Variants in STX12 observed in about 807,000 individuals in gnomAD.
STX12 encodes the protein syntaxin-12.
Under a neutral mutation model 42.2 loss-of-function variants are expected in STX12, and 17 were observed. That is an observed-to-expected ratio of 0.40 (90% CI 0.28 to 0.60). The LOEUF (loss-of-function observed/expected upper bound fraction) is 0.60. Ranked by LOEUF, STX12 falls within the 20% of genes least tolerant of loss-of-function variation. The probability of loss-of-function intolerance (pLI) is 0.39; values close to 1 mark genes in which losing one functional copy is unlikely to be tolerated. For missense variants in STX12, 297 were observed against 330.9 expected (o/e 0.90, Z 0.79); for synonymous variants, 108 against 116.7 (o/e 0.93, Z 0.48).
In STX12 at chr1:27,812,492, A is replaced by G. The variant is rs561787698; in HGVS notation, c.576+224A>G. On this transcript the variant is annotated intron_variant, in intron 6 of 8. Transcript: ENST00000373943. ...ATTTCGCTCTTGTTGCCCAGGCTGG[A>G]GTGCAGTGGTGTGATCTTGGCTCAC... Among the ~76,000 whole-genome samples, 7 of 150,402 alleles carry G rather than the reference A, an allele frequency of 4.7e-5. No homozygotes were observed. The South Asian group carries it at 1.5e-3, about 32-fold the overall frequency.
intron 6 of STX12, among the ~76,000 whole-genome samples, chr1:27,814,659 A>G (rs2088928144): frequency 6.6e-6 from 1 of 152,014 alleles, no homozygotes; most frequent in African/African-American, 2.4e-5. Flanking sequence ...GACCAGCCTG[A>G]CCAACATGGT....
intron 7 of STX12, 60 bp from the exon 8 acceptor site, chr1:27,819,590 C>A: frequency 6.9e-7 from 1 of 1,447,916 alleles, no homozygotes; most frequent in South Asian, 1.2e-5. Flanking sequence ...GAAATCTGTT[C>A]AATTTGCAGT....
chr1:27,781,591 G>A (rs1184145625), intron 1 of STX12, among the ~76,000 whole-genome samples: 3 of 152,184 alleles, frequency 2.0e-5, no homozygotes, highest in South Asian at 2.1e-4. Context: ...TACATAGTAA[G>A]TGCTTAAGAA....
intron 8 of STX12, among the ~76,000 whole-genome samples, chr1:27,821,916 G>T (rs932696278): frequency 1.3e-5 from 2 of 152,132 alleles, no homozygotes; most frequent in Non-Finnish European, 2.9e-5. Flanking sequence ...TGCTCAGGAG[G>T]CTGAGACATT....
intron 1 of STX12, among the ~76,000 whole-genome samples, chr1:27,789,338 C>T (rs770564313): frequency 1.9e-4 from 29 of 151,966 alleles, no homozygotes; most frequent in Non-Finnish European, 2.9e-4. Flanking sequence ...ATAAAACTAC[C>T]ACCTTCTACT....
Position 27,820,737 on chromosome 1 carries a change from C to T in STX12, c.732+1005C>T, listed in dbSNP as rs535416003. ...GACACATGCACACGTATGTTTATTG[C>T]GGCATTATTCACAATAGCAAAGACT... On this transcript the variant is annotated intron_variant, in intron 8 of 8. Transcript: ENST00000373943. 9.2e-3 allele frequency among the ~76,000 whole-genome samples: 1,401 copies of T among 151,836 alleles called. 21 individuals carry two copies. The highest frequency in any genetic ancestry group is 0.03 in the African/African-American group (1,240 of 41,380).
chr1:27,786,931 A>G (rs2088702841), intron 1 of STX12, among the ~76,000 whole-genome samples: 1 of 152,214 alleles, frequency 6.6e-6, no homozygotes, highest in African/African-American at 2.4e-5. Context: ...TTAGTGATGA[A>G]GAAAAGTGGT....
chr1:27,796,529 C>T (rs1464082078), intron 3 of STX12, among the ~76,000 whole-genome samples: 1 of 152,042 alleles, frequency 6.6e-6, no homozygotes, highest in Non-Finnish European at 1.5e-5. Context: ...GTAGCTAGGA[C>T]CACAGGCATG....
At chr1:27,800,237 C>A (rs1445781706) in intron 3 of STX12, among the ~76,000 whole-genome samples, 2 of 152,194 alleles carry the variant, frequency 1.3e-5, no homozygotes, top group Non-Finnish European at 2.9e-5. Context: ...CTTACCCCTT[C>A]TTTCTGCTTA....
intron 8 of STX12, among the ~76,000 whole-genome samples, 181 bp from the exon 9 acceptor site, chr1:27,822,050 C>T (rs11247691): frequency 0.092 from 13,925 of 151,638 alleles, 2,136 homozygotes; most frequent in African/African-American, 0.32. Context: ...AAACAAAAAA[C>T]ACTTGCACTA....
chr1:27,801,217 G>A (rs1158012913), intron 3 of STX12, among the ~76,000 whole-genome samples: 1 of 152,048 alleles, frequency 6.6e-6, no homozygotes, highest in Non-Finnish European at 1.5e-5. Context: ...CGGCCAACAT[G>A]GCGAAACCCC....
chr1:27,774,559 A>G (rs1004792533), intron 1 of STX12, among the ~76,000 whole-genome samples: 16 of 152,154 alleles, frequency 1.1e-4, no homozygotes, highest in Admixed American at 7.2e-4. Context: ...AAGTCTTGCT[A>G]TGTTGGCCAG....
At chr1:27,815,645 A>G (rs2088936178) in intron 6 of STX12, among the ~76,000 whole-genome samples, 1 of 152,126 alleles carries the variant, frequency 6.6e-6, no homozygotes, top group African/African-American at 2.4e-5. Context: ...GACTACCCCA[A>G]CTATGGTAGA....
rs1193510572 is a variant in STX12, at chr1:27,792,314, GTA to G, written c.189-1218_189-1217del. On this transcript the variant is annotated intron_variant, in intron 2 of 8. Coordinates refer to ENST00000373943, the MANE Select transcript of STX12 (RefSeq NM_177424.3). Reference sequence around the variant, plus strand: ...TACATATATATGTATCTATATATATGTAGATACATATATATGTATCTATATAT... The same window carrying G: ...TACATATATATGTATCTATATATATGGATACATATATATGTATCTATATAT... Among the ~76,000 whole-genome samples the G allele has an allele frequency of 4.6e-4, 45 of 97,010 alleles. 2 individuals are homozygous for G. The highest frequency in any genetic ancestry group is 7.5e-4 in the Non-Finnish European group (37 of 49,588). The allele number at this position is 97,010 out of a possible 152,430, so 63.6% of individuals were successfully genotyped here. A position where few individuals can be genotyped will look rare whatever the true frequency, so the allele number is the denominator to read the frequency against.
chr1:27,814,090 G>A (rs1250581698), intron 6 of STX12, among the ~76,000 whole-genome samples: 7 of 151,906 alleles, frequency 4.6e-5, no homozygotes, highest in Non-Finnish European at 1.0e-4. Context: ...TAGTAGAGAC[G>A]AGGTTTTGCC....
intron 3 of STX12, among the ~76,000 whole-genome samples, chr1:27,798,311 G>T (rs2088800573): frequency 6.6e-6 from 1 of 151,888 alleles, no homozygotes; most frequent in African/African-American, 2.4e-5. Context: ...CGGGTGGATT[G>T]CTTGAGTACA....
chr1:27,793,497 G>A (rs1409933411), intron 2 of STX12, 36 bp from the exon 3 acceptor site: 2 of 1,578,538 alleles, frequency 1.3e-6, no homozygotes, highest in Non-Finnish European at 1.7e-6. Flanking sequence ...CTCTCAAGAA[G>A]TGACAACATC....
rs2148609908 is a variant in STX12 at position 27,823,359 on chromosome 1, A to T, written c.*1030A>T. 1.3e-5 allele frequency: 2 copies of T among 152,784 alleles called. No homozygotes were observed. The highest frequency in any genetic ancestry group is 4.1e-4 in the South Asian group (2 of 4,830). The allele number at this position is 152,784 out of a possible 1,614,324, so 9.5% of individuals were successfully genotyped here. ...AAGAAGAGGTTCATTTTTGTAAATA[A>T]CACTGGTTTCAAATAGTGATGTTAG... is the stretch of plus-strand genomic sequence containing the variant. On this transcript the variant is annotated 3_prime_UTR_variant, in exon 9 of 9. Transcript: ENST00000373943.
Position 27,813,545 on chromosome 1 carries a change from A to T in STX12, c.576+1277A>T, listed in dbSNP as rs532850635. On this transcript the variant is annotated intron_variant, in intron 6 of 8. Coordinates refer to ENST00000373943, the MANE Select transcript of STX12 (RefSeq NM_177424.3). ...AAGGTAGAAGGCTGCCATTGCTGGG[A>T]TCAGGGGAGGAGAAAAGGAGAGAGG... Among the ~76,000 whole-genome samples the T allele has an allele frequency of 2.0e-5, 3 of 152,274 alleles. No homozygotes were observed. The South Asian group carries it at 6.2e-4, about 32-fold the overall frequency.
Sources: gnomAD v4.1 joint callset for allele counts (sites outside exome capture counted in the v4.1 genomes callset) on GRCh38, gnomAD v4.1.1 for gene constraint, MANE v1.5 for transcripts, NCBI Gene and HGNC (gene_info 2026-07-23, HGNC 2026-07-21) for gene names.